CRYZL1: variants seen among roughly 807,000 people sequenced by gnomAD.
CRYZL1 encodes the protein ferry endosomal RAB5 effector complex subunit 4.
CRYZL1 carries 34 observed loss-of-function variants against 50.6 expected under a neutral mutation model. That is an observed-to-expected ratio of 0.67 (90% CI 0.51 to 0.89). CRYZL1 has a LOEUF of 0.89. Among genes scored for constraint, CRYZL1 ranks in the 40% least tolerant of loss-of-function variants. The pLI is 0.00. For missense variants in CRYZL1, 354 were observed against 402.3 expected (o/e 0.88, Z 1.03); for synonymous variants, 125 against 134.3 (o/e 0.93, Z 0.48).
intron 2 of CRYZL1, among the ~76,000 whole-genome samples, chr21:33,627,954 C>T (rs2087088392): frequency 6.6e-6 from 1 of 151,964 alleles, no homozygotes; most frequent in South Asian, 2.1e-4. Context: ...ACCGTGTTAG[C>T]CAGGACGGTC....
At chr21:33,595,872 G>T (rs757983610) in intron 10 of CRYZL1, 36 bp from the exon 11 acceptor site, 3 of 1,416,442 alleles carry the variant, frequency 2.1e-6, no homozygotes, top group South Asian at 1.2e-5. Flanking sequence ...ATCAATTATT[G>T]TGAGTTTAAC....
At chr21:33,624,947 G>T (rs1312112716) in intron 2 of CRYZL1, among the ~76,000 whole-genome samples, 187 bp from the exon 3 acceptor site, 1 of 151,800 alleles carries the variant, frequency 6.6e-6, no homozygotes, top group Non-Finnish European at 1.5e-5. Context: ...AAATTTGGGG[G>T]TACAATTTTA....
Position 33,604,528 on chromosome 21 carries a change from C to CA in CRYZL1, c.332-992dup, listed in dbSNP as rs34132721. ...TGGGTGACAGAGCAAGACTCCGTCT[C>CA]AAAAAAAAAAAAAAAAAAATTTCAT... On this transcript the variant is annotated intron_variant, in intron 6 of 12. Transcript: ENST00000381554. 9.2e-4 allele frequency among the ~76,000 whole-genome samples: 106 copies of CA among 115,554 alleles called. 1 individual carries two copies. In the Middle Eastern group the frequency reaches 0.013, roughly 14 times the overall value. The allele number at this position is 115,554 out of a possible 152,430, so 75.8% of individuals were successfully genotyped here. A position where few individuals can be genotyped will look rare whatever the true frequency, so the allele number is the denominator to read the frequency against.
chr21:33,591,791 C>T (rs2086644997), intron 11 of CRYZL1: 1 of 152,186 alleles, frequency 6.6e-6, no homozygotes. Context: ...ACAAGGCTCT[C>T]TACAAAAAAA....
chr21:33,614,633 G>A (rs528227229), intron 5 of CRYZL1, among the ~76,000 whole-genome samples: 81 of 152,050 alleles, frequency 5.3e-4, no homozygotes, highest in Non-Finnish European at 9.7e-4. Context: ...GTGCAATGGC[G>A]CGATCTCAGC....
intron 7 of CRYZL1, among the ~76,000 whole-genome samples, chr21:33,602,741 G>A (rs1190511279): frequency 6.6e-6 from 1 of 152,152 alleles, no homozygotes; most frequent in Non-Finnish European, 1.5e-5. Context: ...CACTTCAAAA[G>A]CTCCATCCTG....
chr21:33,599,126 C>T (rs1293235943), intron 9 of CRYZL1, 24 bp downstream of exon 9: 1 of 1,609,846 alleles, frequency 6.2e-7, no homozygotes, highest in South Asian at 1.1e-5. Flanking sequence ...ACTACACAGG[C>T]TACTAATTTC....
chr21:33,619,103 T>C (rs1002966542), intron 4 of CRYZL1, among the ~76,000 whole-genome samples: 6 of 152,220 alleles, frequency 3.9e-5, no homozygotes, highest in African/African-American at 1.2e-4. Context: ...ACTCATAATA[T>C]TCCTCCAAAT....
At chr21:33,620,427 G>C (rs1452717200) in intron 4 of CRYZL1, among the ~76,000 whole-genome samples, 2 of 151,832 alleles carry the variant, frequency 1.3e-5, no homozygotes, top group Admixed American at 1.3e-4. Context: ...ATTACTTGTG[G>C]ATTTAAATAT....
At chr21:33,595,207 A>T (rs919449701) in intron 11 of CRYZL1, 7 of 1,119,334 alleles carry the variant, frequency 6.3e-6, no homozygotes, top group Non-Finnish European at 6.7e-6. Context: ...TCTCTGAATG[A>T]CTTTTGTTTC....
At chr21:33,591,136 A>T (rs943890633) in intron 12 of CRYZL1, 26 bp downstream of exon 12, 7 of 1,567,026 alleles carry the variant, frequency 4.5e-6, no homozygotes, top group Non-Finnish European at 5.3e-6. Context: ...ACAAACAAGA[A>T]CAATGATTTG....
chr21:33,620,902 CTTTTTTTTTTTT>C (rs1217062963), intron 4 of CRYZL1, among the ~76,000 whole-genome samples: 3 of 69,102 alleles, frequency 4.3e-5, no homozygotes, highest in Non-Finnish European at 7.8e-5. Flanking sequence ...GGTGTCCAAT[CTTTTTTTTTTTT>C]TTTTTTTTTT....
At chr21:33,632,161 A>G (rs1323546193) in intron 1 of CRYZL1, among the ~76,000 whole-genome samples, 13 of 131,110 alleles carry the variant, frequency 9.9e-5, no homozygotes, top group African/African-American at 3.6e-4. Context: ...CATCTCTACT[A>G]AAAAAAAAAA....
intron 5 of CRYZL1, 30 bp from the exon 6 acceptor site, chr21:33,613,636 T>A (rs772238474): frequency 3.3e-6 from 5 of 1,515,110 alleles, no homozygotes; most frequent in Non-Finnish European, 4.6e-6. Context: ...ATTAAAGGGA[T>A]GTAAGTCAAA....
At chr21:33,624,231 T>A (rs1025452630) in intron 3 of CRYZL1, among the ~76,000 whole-genome samples, 2 of 152,090 alleles carry the variant, frequency 1.3e-5, no homozygotes, top group African/African-American at 4.8e-5. Flanking sequence ...CACACTAAAT[T>A]TTTTCCCCTA....
intron 1 of CRYZL1, chr21:33,641,279 G>C (rs1474276783): frequency 6.5e-7 from 1 of 1,550,144 alleles, no homozygotes; most frequent in Admixed American, 2.0e-5. Context: ...TCCGAAAACA[G>C]CAAAGTGATG....
intron 4 of CRYZL1, among the ~76,000 whole-genome samples, chr21:33,618,236 C>T (rs1028299577): frequency 6.8e-6 from 1 of 146,122 alleles, no homozygotes; most frequent in African/African-American, 2.6e-5. Context: ...TTGCAGTGAG[C>T]CAAGACTGCG....
intron 6 of CRYZL1, among the ~76,000 whole-genome samples, chr21:33,609,751 G>A (rs1037386098): frequency 6.6e-6 from 1 of 151,430 alleles, no homozygotes; most frequent in Non-Finnish European, 1.5e-5. Context: ...TGCCCAGGCT[G>A]GAGTGCAGTG....
In CRYZL1 at chr21:33,602,225, A is replaced by G. The variant is rs536676615; in HGVS notation, c.577+9T>C. 60 of 1,415,062 alleles carry G rather than the reference A, an allele frequency of 4.2e-5. No individual in the cohort carries two copies. The highest frequency in any genetic ancestry group is 1.8e-4 in the Middle Eastern group (1 of 5,666). 87.7% of individuals were successfully genotyped at this position (1,415,062 alleles called of 1,614,324 possible). A position where few individuals can be genotyped will look rare whatever the true frequency, so the allele number is the denominator to read the frequency against. On this transcript the variant is annotated intron_variant, in intron 8 of 12. Transcript: ENST00000381554. ...CTGTTTTAAAGTCTGTGCTCATAAT[A>G]TTACCCACCTATGGGAGGTCTGAAT...
Sources: gnomAD v4.1 joint callset for allele counts (sites outside exome capture counted in the v4.1 genomes callset) on GRCh38, gnomAD v4.1.1 for gene constraint, MANE v1.5 for transcripts, NCBI Gene and HGNC (gene_info 2026-07-23, HGNC 2026-07-21) for gene names.